Variants in DSCAM observed in about 807,000 individuals in gnomAD.
The protein encoded by DSCAM is cell adhesion molecule DSCAM.
In DSCAM, 47 loss-of-function variants were observed where a neutral mutation model predicts 217.7. That is an observed-to-expected ratio of 0.22 (90% CI 0.17 to 0.28). The LOEUF is 0.28. DSCAM is among the 10% of genes least tolerant of loss of function. DSCAM has a pLI of 1.00. For missense variants in DSCAM, 2,080 were observed against 2,618.3 expected, an observed-to-expected ratio of 0.79 and a Z score of 4.49; for synonymous variants, 1,056 against 1,015.3, an observed-to-expected ratio of 1.04 and a Z score of -0.76.
intron 11 of DSCAM, among the ~76,000 whole-genome samples, chr21:40,207,476 C>T (rs1384281067): frequency 1.3e-5 from 2 of 152,052 alleles, no homozygotes; most frequent in Admixed American, 6.6e-5. Flanking sequence ...CCCTGTAATT[C>T]CTTTTCTTGT....
chr21:40,635,208 G>A (rs1055840267), intron 3 of DSCAM, among the ~76,000 whole-genome samples: 13 of 152,108 alleles, frequency 8.5e-5, no homozygotes, highest in Admixed American at 1.3e-4. Context: ...GGAGAGAAAG[G>A]GGAAAATAAA....
At chr21:40,254,137 T>C (rs1472017276) in intron 11 of DSCAM, among the ~76,000 whole-genome samples, 1 of 152,170 alleles carries the variant, frequency 6.6e-6, no homozygotes, top group Non-Finnish European at 1.5e-5. Flanking sequence ...AAGGCTGTTT[T>C]CCATACAGAG....
chr21:40,489,423 C>A (rs1743244604), intron 3 of DSCAM, among the ~76,000 whole-genome samples: 2 of 152,160 alleles, frequency 1.3e-5, no homozygotes, highest in African/African-American at 4.8e-5. Flanking sequence ...CCTGCAGATT[C>A]TGGATTTATC....
At chr21:40,026,608 T>A (rs1156915281) in intron 32 of DSCAM, among the ~76,000 whole-genome samples, 1 of 148,210 alleles carries the variant, frequency 6.7e-6, no homozygotes, top group South Asian at 2.1e-4. Flanking sequence ...GTTGAATTGA[T>A]CCCTTTACCA....
intron 1 of DSCAM, among the ~76,000 whole-genome samples, chr21:40,812,460 A>G (rs2091847508): frequency 6.6e-6 from 1 of 152,136 alleles, no homozygotes; most frequent in African/African-American, 2.4e-5. Context: ...TCATCAAGAA[A>G]TCACACCATG....
At chr21:40,140,090 G>A (rs748845067) in intron 18 of DSCAM, among the ~76,000 whole-genome samples, 31 of 152,014 alleles carry the variant, frequency 2.0e-4, no homozygotes, top group African/African-American at 7.0e-4. Flanking sequence ...AGCCAGTCCC[G>A]GAGGCTGCAG....
chr21:40,676,132 C>G (rs1326899177), intron 3 of DSCAM, among the ~76,000 whole-genome samples: 2 of 152,286 alleles, frequency 1.3e-5, no homozygotes, highest in East Asian at 3.9e-4. Context: ...AAGTAATCAT[C>G]CATATCCTTA....
intron 1 of DSCAM, among the ~76,000 whole-genome samples, chr21:40,809,316 C>A (rs911811966): frequency 5.9e-5 from 9 of 152,076 alleles, no homozygotes; most frequent in Admixed American, 2.0e-4. Context: ...TGAGGAAAAG[C>A]CGATCTATAA....
intron 10 of DSCAM, among the ~76,000 whole-genome samples, chr21:40,294,871 A>G (rs2073936182): frequency 6.6e-6 from 1 of 152,192 alleles, no homozygotes; most frequent in Non-Finnish European, 1.5e-5. Flanking sequence ...TTGCACATGG[A>G]CAGTGGATGT....
At chr21:40,481,493 C>T (rs765852323) in intron 3 of DSCAM, among the ~76,000 whole-genome samples, 17 of 135,974 alleles carry the variant, frequency 1.3e-4, no homozygotes, top group Admixed American at 3.2e-4. Flanking sequence ...CACTGCACTC[C>T]AGCCTGGGCA....
chr21:40,187,992 G>A lies in DSCAM; in HGVS notation c.2554-5C>T, dbSNP rs2090913609. The A allele has an allele frequency of 1.2e-6, 2 of 1,607,422 alleles. No homozygotes were observed. The highest frequency in any genetic ancestry group is 1.7e-6 in the Non-Finnish European group (2 of 1,176,144). ...TTCTCTCACAGTTGGCAAAATCTATGTGTAAAGCAGAAAGAAATTCATCTT... is the reference window on the plus strand; with the variant it reads ...TTCTCTCACAGTTGGCAAAATCTATATGTAAAGCAGAAAGAAATTCATCTT... On this transcript the variant is annotated splice_region_variant and splice_polypyrimidine_tract_variant and intron_variant, in intron 12 of 32. Coordinates refer to ENST00000400454, the MANE Select transcript of DSCAM (RefSeq NM_001389.5).
At chr21:40,334,717 C>T (rs924911848) in intron 8 of DSCAM, among the ~76,000 whole-genome samples, 2 of 31,188 alleles carry the variant, frequency 6.4e-5, no homozygotes, top group Non-Finnish European at 1.2e-4. Flanking sequence ...ATATAGTGCA[C>T]CACAACCACA....
chr21:40,481,307 G>A (rs2075980241), intron 3 of DSCAM, among the ~76,000 whole-genome samples: 1 of 151,990 alleles, frequency 6.6e-6, no homozygotes, highest in South Asian at 2.1e-4. Context: ...GGCTAACATG[G>A]TGAAACCCCG....
chr21:40,789,634 C>A (rs1214060935), intron 1 of DSCAM, among the ~76,000 whole-genome samples: 2 of 149,526 alleles, frequency 1.3e-5, no homozygotes, highest in Non-Finnish European at 2.9e-5. Context: ...TGGCTCACTG[C>A]AAGCTCCGCC....
chr21:40,471,558 G>A (rs2075888569), intron 3 of DSCAM, among the ~76,000 whole-genome samples: 1 of 152,172 alleles, frequency 6.6e-6, no homozygotes, highest in African/African-American at 2.4e-5. Flanking sequence ...CTGATCAGCT[G>A]GCTATGATTT....
intron 24 of DSCAM, among the ~76,000 whole-genome samples, chr21:40,082,507 CT>C (rs2089476811): frequency 6.7e-6 from 1 of 150,224 alleles, no homozygotes; most frequent in Admixed American, 6.7e-5. Context: ...ATAATTGTGA[CT>C]CGTACAATTT....
At chr21:40,113,617 A>C (rs940793248) in intron 20 of DSCAM, among the ~76,000 whole-genome samples, 47 of 152,274 alleles carry the variant, frequency 3.1e-4, no homozygotes, top group South Asian at 1.0e-3. Context: ...AGAGGAAGTC[A>C]AATTGTCCCT....
At chr21:40,171,673 T>C (rs1449704154) in intron 15 of DSCAM, among the ~76,000 whole-genome samples, 1 of 152,180 alleles carries the variant, frequency 6.6e-6, no homozygotes, top group East Asian at 1.9e-4. Context: ...GGAAGGTTTT[T>C]TGTTTGCTTG....
intron 3 of DSCAM, among the ~76,000 whole-genome samples, chr21:40,463,364 C>T (rs189735371): frequency 1.9e-3 from 289 of 152,294 alleles, no homozygotes; most frequent in Non-Finnish European, 3.0e-3. Flanking sequence ...CTGTCCATCT[C>T]AATCAGCATC....
Sources: gnomAD v4.1 joint callset for allele counts (sites outside exome capture counted in the v4.1 genomes callset) on GRCh38, gnomAD v4.1.1 for gene constraint, MANE v1.5 for transcripts, NCBI Gene and HGNC (gene_info 2026-07-23, HGNC 2026-07-21) for gene names.